PAX5: variants seen among roughly 807,000 people sequenced by gnomAD.
PAX5 encodes paired box 5, also known as paired box protein Pax-5.
A neutral mutation model predicts 43.7 loss-of-function variants in PAX5; 9 were observed. The observed-to-expected ratio is 0.21, with a 90% CI of 0.12 to 0.36. The LOEUF (loss-of-function observed/expected upper bound fraction) is 0.36. Among genes scored for constraint, PAX5 ranks in the 10% least tolerant of loss-of-function variants. PAX5 has a pLI of 1.00. For synonymous variants in PAX5, 228 were observed against 214.3 expected (o/e 1.06, Z -0.56); for missense variants, 383 against 532.7 (o/e 0.72, Z 2.77).
intron 8 of PAX5, among the ~76,000 whole-genome samples, chr9:36,869,745 C>G (rs1011920332): frequency 6.6e-6 from 1 of 151,976 alleles, no homozygotes; most frequent in African/African-American, 2.4e-5. Context: ...CATGTAGATG[C>G]TCAATAAATG....
chr9:36,928,694 G>A lies in PAX5; in HGVS notation c.781-5210C>T, dbSNP rs2131997651. 1.3e-5 allele frequency among the ~76,000 whole-genome samples: 2 copies of A among 152,252 alleles called. 1 individual carries two copies. Among genetic ancestry groups the A allele is most frequent in the South Asian group, 4.1e-4 (2 of 4,826 alleles). ...TCCTTCCACCTCTACCCCACATCGA[G>A]TCAGGTCACCAGAAAGCCACATCCC... On this transcript the variant is annotated intron_variant, in intron 6 of 9. Transcript: ENST00000358127.
chr9:36,949,279 C>A (rs989109873), intron 6 of PAX5, among the ~76,000 whole-genome samples: 2 of 152,080 alleles, frequency 1.3e-5, no homozygotes, highest in Admixed American at 1.3e-4. Context: ...CCAGGATGGC[C>A]TCGATCTCCT....
chr9:36,958,880 G>A (rs1158255545), intron 6 of PAX5, among the ~76,000 whole-genome samples: 2 of 152,146 alleles, frequency 1.3e-5, no homozygotes, highest in Non-Finnish European at 2.9e-5. Flanking sequence ...CTGAACTCCT[G>A]GGCAGAGGAA....
chr9:36,907,288 G>C (rs1828906964), intron 7 of PAX5, among the ~76,000 whole-genome samples: 1 of 152,180 alleles, frequency 6.6e-6, no homozygotes, highest in Non-Finnish European at 1.5e-5. Flanking sequence ...TCCTGAGGCA[G>C]CCTATTCAGC....
rs1212093263 is a variant in PAX5 at position 36,838,547 on chromosome 9, C to T, written c.*2013G>A. 1 of 233,130 alleles carries T rather than the reference C, an allele frequency of 4.3e-6. No homozygotes were observed. Among genetic ancestry groups the T allele is most frequent in the Non-Finnish European group, 8.5e-6 (1 of 118,018 alleles). 14.4% of individuals were successfully genotyped at this position (233,130 alleles called of 1,614,324 possible). The stretch of plus-strand genomic sequence containing the variant: ...AGAGGAAGTCTGCTTTTTCTCCCTG[C>T]ATGGTCCTGGCCTTCCCCAAGCTGG... On this transcript the variant is annotated 3_prime_UTR_variant, in exon 10 of 10. Transcript: ENST00000358127.
At chr9:37,018,944 T>C (rs1444272312) in intron 2 of PAX5, among the ~76,000 whole-genome samples, 1 of 152,084 alleles carries the variant, frequency 6.6e-6, no homozygotes, top group Non-Finnish European at 1.5e-5. Context: ...GCTCAGTATC[T>C]TGCCCTGGGA....
At position 37,034,233 on chromosome 9, in the gene PAX5, A is replaced by C. The variant is rs1841322593; in HGVS notation, c.-202T>G. 2 of 571,904 alleles carry C rather than the reference A, an allele frequency of 3.5e-6. No homozygotes were observed. The highest frequency in any genetic ancestry group is 1.9e-5 in the African/African-American group (1 of 53,258). 35.4% of individuals were successfully genotyped at this position (571,904 alleles called of 1,614,324 possible). On this transcript the variant is annotated 5_prime_UTR_variant, in exon 1 of 10. Transcript: ENST00000358127. The stretch of plus-strand genomic sequence containing the variant: ...AAACTAAACGTTTTAGGTGGAAAAA[A>C]AGCGTCCGAAGGCACCGTGAAATGA...
At chr9:37,002,518 G>A in intron 5 of PAX5, 130 bp downstream of exon 5, 2 of 936,734 alleles carry the variant, frequency 2.1e-6, no homozygotes, top group South Asian at 3.4e-5. Flanking sequence ...GACAGCGTGC[G>A]GGCCGGGGGA....
At chr9:36,963,223 G>A (rs1458405732) in intron 6 of PAX5, among the ~76,000 whole-genome samples, 3 of 152,172 alleles carry the variant, frequency 2.0e-5, no homozygotes, top group Non-Finnish European at 4.4e-5. Context: ...GCCTGCAGTC[G>A]CCGTCTCAGA....
intron 5 of PAX5, among the ~76,000 whole-genome samples, chr9:36,999,331 T>A (rs1302588407): frequency 6.6e-6 from 1 of 152,136 alleles, no homozygotes; most frequent in Admixed American, 6.5e-5. Flanking sequence ...GCCCCCAAGA[T>A]CCTTTTGGTC....
At chr9:36,973,310 T>C (rs1312467532) in intron 5 of PAX5, among the ~76,000 whole-genome samples, 1 of 152,160 alleles carries the variant, frequency 6.6e-6, no homozygotes, top group African/African-American at 2.4e-5. Flanking sequence ...CACAGGCCTC[T>C]GGCACTGCCT....
intron 3 of PAX5, among the ~76,000 whole-genome samples, chr9:37,012,665 A>G (rs913216467): frequency 6.6e-6 from 1 of 152,218 alleles, no homozygotes; most frequent in Non-Finnish European, 1.5e-5. Context: ...TATTTGCCTC[A>G]TACATTTCTT....
chr9:36,981,181 CA>C (rs1288793739), intron 5 of PAX5, among the ~76,000 whole-genome samples: 1 of 67,582 alleles, frequency 1.5e-5, no homozygotes. Context: ...CCAAAAACAG[CA>C]AAGCCCCCCC....
intron 6 of PAX5, among the ~76,000 whole-genome samples, chr9:36,949,253 G>T (rs1212797362): frequency 6.6e-6 from 1 of 151,956 alleles, no homozygotes; most frequent in Non-Finnish European, 1.5e-5. Flanking sequence ...GTAGAGACGG[G>T]GTTTCACCAT....
rs542016753 is a variant in PAX5, at chr9:36,939,321, G to A, written c.781-15837C>T. Among the ~76,000 whole-genome samples the A allele has an allele frequency of 2.4e-4, 37 of 152,192 alleles. 1 individual carries two copies. The South Asian group carries it at 7.1e-3, about 29-fold the overall frequency. The stretch of plus-strand genomic sequence containing the variant: ...CTTAAAGCCCTGGGGGATGCCCTAC[G>A]TGTCCCCCACCCCCAGTCAAGCATC... On this transcript the variant is annotated intron_variant, in intron 6 of 9. Transcript: ENST00000358127.
rs561264337 is a variant in PAX5 at position 36,954,509 on chromosome 9, G to A, written c.780+12040C>T. Among the ~76,000 whole-genome samples, 146 of 152,220 alleles carry A rather than the reference G, an allele frequency of 9.6e-4. 1 individual carries two copies. The highest frequency in any genetic ancestry group is 3.4e-3 in the African/African-American group (141 of 41,544). On this transcript the variant is annotated intron_variant, in intron 6 of 9. Transcript: ENST00000358127. The stretch of plus-strand genomic sequence containing the variant: ...GTTAAATGATCATTTATCTGAGTAC[G>A]AGGTAATTATTACTATCTCTTAACA...
chr9:36,985,157 G>A (rs894733759), intron 5 of PAX5, among the ~76,000 whole-genome samples: 2 of 152,220 alleles, frequency 1.3e-5, no homozygotes, highest in African/African-American at 2.4e-5. Flanking sequence ...TCTTCAAATG[G>A]GGGGTGGGGT....
At chr9:37,026,914 C>T (rs1354004289) in intron 1 of PAX5, among the ~76,000 whole-genome samples, 1 of 152,226 alleles carries the variant, frequency 6.6e-6, no homozygotes, top group Admixed American at 6.5e-5. Flanking sequence ...CGTAGGGGCC[C>T]GCCTCCGGGA....
chr9:36,958,051 G>A (rs1444590294), intron 6 of PAX5, among the ~76,000 whole-genome samples: 1 of 152,092 alleles, frequency 6.6e-6, no homozygotes, highest in East Asian at 1.9e-4. Flanking sequence ...TACCCTAGAG[G>A]GTCTGGGATT....
Sources: gnomAD v4.1 joint callset for allele counts (sites outside exome capture counted in the v4.1 genomes callset) on GRCh38, gnomAD v4.1.1 for gene constraint, MANE v1.5 for transcripts, NCBI Gene and HGNC (gene_info 2026-07-23, HGNC 2026-07-21) for gene names.